Variants in ENOX1 observed in about 807,000 individuals in gnomAD.
The protein encoded by ENOX1 is ecto-NOX disulfide-thiol exchanger 1.
ENOX1 carries 42 observed loss-of-function variants against 82.5 expected under a neutral mutation model. The ratio of observed to expected loss-of-function variants is 0.51; its 90% CI spans 0.40 to 0.66. ENOX1 has a LOEUF of 0.66. ENOX1 is among the 30% of genes least tolerant of loss of function. ENOX1 has a pLI of 0.00. For synonymous variants in ENOX1, 271 were observed against 282.2 expected (o/e 0.96, Z 0.40); for missense variants, 608 against 811.6 (o/e 0.75, Z 3.05).
chr13:43,288,482 A>G (rs1395003150), intron 12 of ENOX1, among the ~76,000 whole-genome samples: 1 of 152,188 alleles, frequency 6.6e-6, no homozygotes, highest in Non-Finnish European at 1.5e-5. Context: ...ATTTATACAT[A>G]CACATATTTA....
At chr13:43,524,637 T>G (rs1387859997) in intron 2 of ENOX1, among the ~76,000 whole-genome samples, 1 of 152,100 alleles carries the variant, frequency 6.6e-6, no homozygotes, top group East Asian at 1.9e-4. Context: ...TTCCAGTTTC[T>G]GGGCCTTTGT....
At chr13:43,520,905 A>T (rs758436766) in intron 2 of ENOX1, among the ~76,000 whole-genome samples, 23 of 152,188 alleles carry the variant, frequency 1.5e-4, no homozygotes, top group Non-Finnish European at 2.5e-4. Context: ...AAACAATATG[A>T]TTCTTCCAAC....
intron 1 of ENOX1, among the ~76,000 whole-genome samples, chr13:43,690,910 G>A (rs1412118999): frequency 1.3e-5 from 2 of 152,112 alleles, no homozygotes; most frequent in East Asian, 1.9e-4. Context: ...GTGGGAGAAG[G>A]GCAAGAGTTC....
chr13:43,682,820 A>G (rs2085861813), intron 1 of ENOX1, among the ~76,000 whole-genome samples: 1 of 152,202 alleles, frequency 6.6e-6, no homozygotes, highest in Admixed American at 6.5e-5. Flanking sequence ...GGGGGAGCCA[A>G]TTAGATTTAA....
rs1339829663 is a variant in ENOX1, at chr13:43,443,244, C to CG, written c.-74-30257dup. Among the ~76,000 whole-genome samples, 3 of 152,060 alleles carry CG rather than the reference C, an allele frequency of 2.0e-5. No homozygotes were observed. The East Asian group carries it at 5.8e-4, about 29-fold the overall frequency. On this transcript the variant is annotated intron_variant, in intron 3 of 16. Transcript: ENST00000690772. ...CTGTGACCAAAAATTCTGTTCAATT[C>CG]GGATGTGGGGAGCAAATAAATGACC... is the stretch of plus-strand genomic sequence containing the variant.
chr13:43,269,901 AATAT>A (rs2044589990), intron 12 of ENOX1, among the ~76,000 whole-genome samples: 1 of 152,220 alleles, frequency 6.6e-6, no homozygotes. Flanking sequence ...AAAAAATTAT[AATAT>A]AGTCAACTTG....
At position 43,374,381 on chromosome 13, in the gene ENOX1, GACTACAGGTGTGTGCCACCACACCTGGC is replaced by G. The variant is rs1410544987; in HGVS notation, c.209-12957_209-12930del. ...CTGCCTCAGCCTCCCAAATAGCTGG[GACTACAGGTGTGTGCCACCACACCTGGC>G]TAATCTGTATATTTTTTGTAGAGAT... is the stretch of plus-strand genomic sequence containing the variant. On this transcript the variant is annotated intron_variant, in intron 5 of 16. Coordinates refer to ENST00000690772, the MANE Select transcript of ENOX1 (RefSeq NM_001347969.2). Among the ~76,000 whole-genome samples, 7 of 151,756 alleles carry G rather than the reference GACTACAGGTGTGTGCCACCACACCTGGC, an allele frequency of 4.6e-5. No individual in the cohort carries two copies. The East Asian group carries it at 7.8e-4, about 17-fold the overall frequency.
intron 3 of ENOX1, among the ~76,000 whole-genome samples, chr13:43,423,526 T>C (rs1460449045): frequency 2.0e-5 from 3 of 152,210 alleles, no homozygotes; most frequent in Non-Finnish European, 2.9e-5. Flanking sequence ...GATAAACATG[T>C]CTCCAAAATG....
At chr13:43,244,801 G>T (rs1210767847) in intron 14 of ENOX1, among the ~76,000 whole-genome samples, 1 of 152,088 alleles carries the variant, frequency 6.6e-6, no homozygotes, top group East Asian at 1.9e-4. Flanking sequence ...ATACCACAAG[G>T]CTCGTTTTCC....
intron 1 of ENOX1, among the ~76,000 whole-genome samples, chr13:43,699,427 T>C (rs2086802465): frequency 6.6e-6 from 1 of 152,180 alleles, no homozygotes; most frequent in Non-Finnish European, 1.5e-5. Flanking sequence ...CAACAGAGCG[T>C]TCTTAAAGTT....
At chr13:43,266,518 T>G (rs2044380040) in intron 13 of ENOX1, among the ~76,000 whole-genome samples, 1 of 152,160 alleles carries the variant, frequency 6.6e-6, no homozygotes, top group East Asian at 1.9e-4. Flanking sequence ...GATCAGGTAG[T>G]TGATTATGGA....
intron 1 of ENOX1, among the ~76,000 whole-genome samples, chr13:43,691,777 T>C (rs575210429): frequency 1.3e-5 from 2 of 151,240 alleles, no homozygotes; most frequent in African/African-American, 4.9e-5. Flanking sequence ...CTTGGCTCAC[T>C]GCAATCTCCG....
intron 11 of ENOX1, among the ~76,000 whole-genome samples, chr13:43,319,811 G>T (rs897542616): frequency 6.6e-6 from 1 of 152,200 alleles, no homozygotes; most frequent in Admixed American, 6.5e-5. Flanking sequence ...ATTGGCAGGG[G>T]ATTCCTTACA....
intron 3 of ENOX1, among the ~76,000 whole-genome samples, chr13:43,427,471 A>G (rs2055384841): frequency 6.6e-6 from 1 of 152,240 alleles, no homozygotes; most frequent in South Asian, 2.1e-4. Context: ...GTCTGTTGTT[A>G]CAGATTTGGG....
intron 2 of ENOX1, among the ~76,000 whole-genome samples, chr13:43,594,475 A>C (rs544952488): frequency 8.5e-5 from 13 of 152,344 alleles, no homozygotes; most frequent in Non-Finnish European, 1.3e-4. Flanking sequence ...ACTTCAGTTC[A>C]AAAGGCTAAT....
intron 3 of ENOX1, among the ~76,000 whole-genome samples, chr13:43,469,867 G>A (rs2057910022): frequency 6.6e-6 from 1 of 151,844 alleles, no homozygotes; most frequent in South Asian, 2.1e-4. Flanking sequence ...CATCTGACTT[G>A]AAGACTTACT....
intron 5 of ENOX1, 61 bp from the exon 6 acceptor site, chr13:43,361,513 T>C: frequency 2.0e-6 from 3 of 1,516,086 alleles, no homozygotes; most frequent in South Asian, 1.2e-5. Context: ...TTGTTGTTTT[T>C]GCCATTTTCC....
chr13:43,666,152 G>C (rs1167103924), intron 2 of ENOX1, among the ~76,000 whole-genome samples: 1 of 152,002 alleles, frequency 6.6e-6, no homozygotes, highest in Non-Finnish European at 1.5e-5. Flanking sequence ...GTGTAAGCAT[G>C]TGCTGTTGGA....
At chr13:43,467,534 A>G (rs1359567689) in intron 3 of ENOX1, among the ~76,000 whole-genome samples, 1 of 151,982 alleles carries the variant, frequency 6.6e-6, no homozygotes, top group African/African-American at 2.4e-5. Flanking sequence ...TTTAAATTTT[A>G]AAATTTCTTT....
Sources: gnomAD v4.1 joint callset for allele counts (sites outside exome capture counted in the v4.1 genomes callset) on GRCh38, gnomAD v4.1.1 for gene constraint, MANE v1.5 for transcripts, NCBI Gene and HGNC (gene_info 2026-07-23, HGNC 2026-07-21) for gene names.